Variants in PPFIA2 observed in about 807,000 individuals in gnomAD.
PPFIA2 encodes liprin-alpha-2.
A neutral mutation model predicts 175.5 loss-of-function variants in PPFIA2; 46 were observed. The ratio of observed to expected loss-of-function variants is 0.26; its 90% CI spans 0.21 to 0.34. The LOEUF (loss-of-function observed/expected upper bound fraction) is 0.34. PPFIA2 is among the 10% of genes least tolerant of loss of function. PPFIA2 has a pLI of 1.00. For synonymous variants in PPFIA2, 568 were observed against 511.4 expected, an observed-to-expected ratio of 1.11 and a Z score of -1.49; for missense variants, 1,179 against 1,506.1, an observed-to-expected ratio of 0.78 and a Z score of 3.60.
intron 4 of PPFIA2, among the ~76,000 whole-genome samples, chr12:81,620,353 T>G (rs1001140464): frequency 1.3e-5 from 2 of 152,034 alleles, no homozygotes; most frequent in Non-Finnish European, 2.9e-5. Flanking sequence ...CCAGGAAAAC[T>G]CCAAACAATA....
chr12:81,677,995 G>T (rs959454082), intron 3 of PPFIA2, among the ~76,000 whole-genome samples: 1 of 151,932 alleles, frequency 6.6e-6, no homozygotes, highest in East Asian at 1.9e-4. Flanking sequence ...ACTGATTTAA[G>T]TTGTAAACCG....
intron 4 of PPFIA2, among the ~76,000 whole-genome samples, chr12:81,507,839 G>A (rs745948933): frequency 1.3e-5 from 2 of 152,144 alleles, no homozygotes; most frequent in Admixed American, 6.5e-5. Flanking sequence ...TATGAGAAAC[G>A]GGAGAGACCT....
chr12:81,543,598 C>A (rs2066540380), intron 4 of PPFIA2, among the ~76,000 whole-genome samples: 1 of 152,090 alleles, frequency 6.6e-6, no homozygotes, highest in African/African-American at 2.4e-5. Context: ...TGGAGCATAA[C>A]TCCCTACTCT....
At chr12:81,341,882 A>G (rs1276464968) in intron 19 of PPFIA2, among the ~76,000 whole-genome samples, 2 of 152,144 alleles carry the variant, frequency 1.3e-5, no homozygotes, top group Non-Finnish European at 2.9e-5. Flanking sequence ...TTTTGAAATG[A>G]GAAGTTGATA....
At chr12:81,477,323 C>T (rs956517504) in intron 4 of PPFIA2, among the ~76,000 whole-genome samples, 2 of 152,096 alleles carry the variant, frequency 1.3e-5, no homozygotes. Flanking sequence ...TTTGAAAAGG[C>T]TTTCACCTGG....
At chr12:81,341,298 G>C in intron 19 of PPFIA2, 90 bp from the exon 20 acceptor site, 1 of 1,289,568 alleles carries the variant, frequency 7.8e-7, no homozygotes. Flanking sequence ...CAAGGCTGTC[G>C]AGTAATTTTA....
chr12:81,670,563 C>T (rs1051388640), intron 4 of PPFIA2, among the ~76,000 whole-genome samples: 11 of 151,828 alleles, frequency 7.2e-5, no homozygotes, highest in African/African-American at 2.4e-4. Flanking sequence ...TGCCTCAATC[C>T]CATCTCCTCT....
At chr12:81,702,465 A>AT (rs1477445908) in intron 3 of PPFIA2, among the ~76,000 whole-genome samples, 1 of 152,124 alleles carries the variant, frequency 6.6e-6, no homozygotes, top group African/African-American at 2.4e-5. Flanking sequence ...AATTATTTTA[A>AT]TCCACTTCAT....
intron 3 of PPFIA2, among the ~76,000 whole-genome samples, chr12:81,702,047 T>G (rs147758921): frequency 1.4e-4 from 21 of 152,238 alleles, no homozygotes; most frequent in Non-Finnish European, 2.8e-4. Context: ...AAATGTGGGA[T>G]GTAAGCTGGC....
At chr12:81,746,583 G>A (rs1407451735) in intron 3 of PPFIA2, among the ~76,000 whole-genome samples, 1 of 143,644 alleles carries the variant, frequency 7.0e-6, no homozygotes, top group Non-Finnish European at 1.6e-5. Flanking sequence ...CAGAGTCAAG[G>A]GACTTTTTTG....
At chr12:81,385,913 C>T (rs1031356989) in intron 8 of PPFIA2, among the ~76,000 whole-genome samples, 15 of 151,954 alleles carry the variant, frequency 9.9e-5, no homozygotes, top group African/African-American at 3.4e-4. Flanking sequence ...TTGAATCATT[C>T]CACATTGTAT....
At chr12:81,532,487 G>A (rs960671751) in intron 4 of PPFIA2, among the ~76,000 whole-genome samples, 2 of 151,738 alleles carry the variant, frequency 1.3e-5, no homozygotes, top group Non-Finnish European at 2.9e-5. Context: ...TTTACTGTCT[G>A]TTCTTGATCT....
chr12:81,631,134 G>A (rs940121240), intron 4 of PPFIA2, among the ~76,000 whole-genome samples: 18 of 151,972 alleles, frequency 1.2e-4, no homozygotes, highest in African/African-American at 3.9e-4. Context: ...GGGCTCAAGC[G>A]AGCCACCTGC....
At chr12:81,724,948 AGTG>A (rs2079856333) in intron 3 of PPFIA2, among the ~76,000 whole-genome samples, 1 of 151,076 alleles carries the variant, frequency 6.6e-6, no homozygotes, top group Admixed American at 6.6e-5. Context: ...TCCCATGAAC[AGTG>A]TATAATAGGT....
At chr12:81,374,238 A>T (rs1004410968) in intron 11 of PPFIA2, among the ~76,000 whole-genome samples, 2 of 152,084 alleles carry the variant, frequency 1.3e-5, no homozygotes, top group Non-Finnish European at 2.9e-5. Flanking sequence ...CTGTAGTTGG[A>T]GAGGAATCAA....
intron 4 of PPFIA2, among the ~76,000 whole-genome samples, chr12:81,458,337 TACC>T (rs2053932477): frequency 2.4e-5 from 1 of 41,598 alleles, no homozygotes; most frequent in East Asian, 1.7e-3. Context: ...CAGAGGAATC[TACC>T]TTTTTTTTTT....
At chr12:81,474,038 T>C (rs1357423639) in intron 4 of PPFIA2, among the ~76,000 whole-genome samples, 1 of 152,240 alleles carries the variant, frequency 6.6e-6, no homozygotes, top group African/African-American at 2.4e-5. Flanking sequence ...AGAAAGACTA[T>C]ATTTCAAGTA....
chr12:81,293,415 A>T (rs2137762791), intron 24 of PPFIA2, among the ~76,000 whole-genome samples: 1 of 152,226 alleles, frequency 6.6e-6, no homozygotes, highest in South Asian at 2.1e-4. Context: ...AGAAAAAGAT[A>T]TTCCAGATAT....
At chr12:81,544,028 C>T (rs1272985143) in intron 4 of PPFIA2, among the ~76,000 whole-genome samples, 1 of 151,968 alleles carries the variant, frequency 6.6e-6, no homozygotes, top group Non-Finnish European at 1.5e-5. Flanking sequence ...ACAAAAAGGA[C>T]CTTAGGAAAG....
Sources: gnomAD v4.1 joint callset for allele counts (sites outside exome capture counted in the v4.1 genomes callset) on GRCh38, gnomAD v4.1.1 for gene constraint, MANE v1.5 for transcripts, NCBI Gene and HGNC (gene_info 2026-07-23, HGNC 2026-07-21) for gene names.